The following CADM2 variants were observed in gnomAD, a reference collection of about 807,000 sequenced individuals.
CADM2 encodes the protein immunoglobulin superfamily member 4D.
Under a neutral mutation model 49.8 loss-of-function variants are expected in CADM2, and 12 were observed. The observed-to-expected ratio is 0.24, with a 90% CI of 0.15 to 0.39. The LOEUF (loss-of-function observed/expected upper bound fraction) is 0.39. Among genes scored for constraint, CADM2 ranks in the 10% least tolerant of loss-of-function variants. The pLI is 1.00. For synonymous variants in CADM2, 214 were observed against 175.4 expected, an observed-to-expected ratio of 1.22 and a Z score of -1.74; for missense variants, 378 against 492.3, an observed-to-expected ratio of 0.77 and a Z score of 2.20.
chr3:85,196,039 T>C (rs905353270), intron 1 of CADM2, among the ~76,000 whole-genome samples: 1 of 152,102 alleles, frequency 6.6e-6, no homozygotes, highest in Admixed American at 6.6e-5. Context: ...CTGACAATTA[T>C]GCACATGGAA....
intron 8 of CADM2, among the ~76,000 whole-genome samples, chr3:86,008,972 G>A (rs1028908005): frequency 6.6e-6 from 1 of 150,950 alleles, no homozygotes; most frequent in Non-Finnish European, 1.5e-5. Context: ...TTATTATAAC[G>A]ATGCAGGGTA....
In CADM2 at chr3:85,829,221, T is replaced by C. The variant is rs6804920; in HGVS notation, c.238+27025T>C. ...CTTTAATAGTAGCCATTCAAGATAA[T>C]GTCTGTGAAGGACTGGCTTTCTCTG... On this transcript the variant is annotated intron_variant, in intron 3 of 9. Coordinates refer to ENST00000383699, the MANE Select transcript of CADM2 (RefSeq NM_001167675.2). 2.6e-3 allele frequency among the ~76,000 whole-genome samples: 399 copies of C among 152,074 alleles called. 1 individual carries two copies. Among genetic ancestry groups the C allele is most frequent in the African/African-American group, 9.3e-3 (385 of 41,550 alleles).
chr3:85,161,662 A>T (rs2040328414), intron 1 of CADM2, among the ~76,000 whole-genome samples: 1 of 152,182 alleles, frequency 6.6e-6, no homozygotes, highest in South Asian at 2.1e-4. Context: ...TATGAATCAT[A>T]TGTTGACATA....
chr3:85,003,375 TA>T (rs1384113100), intron 1 of CADM2, among the ~76,000 whole-genome samples: 3 of 152,178 alleles, frequency 2.0e-5, no homozygotes, highest in Admixed American at 6.6e-5. Context: ...TGAGATTGTT[TA>T]AAAAAATCTT....
intron 2 of CADM2, among the ~76,000 whole-genome samples, chr3:85,750,359 T>C (rs2068810624): frequency 6.6e-6 from 1 of 152,090 alleles, no homozygotes; most frequent in Non-Finnish European, 1.5e-5. Context: ...ATTTGTCATT[T>C]ATTCATCTGT....
At chr3:85,940,826 AT>A (rs995642375) in intron 7 of CADM2, among the ~76,000 whole-genome samples, 1 of 151,776 alleles carries the variant, frequency 6.6e-6, no homozygotes, top group African/African-American at 2.4e-5. Flanking sequence ...CACACTGAGT[AT>A]TTTTTTTCCT....
At position 85,983,245 on chromosome 3, in the gene CADM2, C is replaced by A. The variant is rs1169727980; in HGVS notation, c.970+21598C>A. Among the ~76,000 whole-genome samples the A allele has an allele frequency of 2.0e-5, 3 of 151,522 alleles. No individual in the cohort carries two copies. The East Asian group carries it at 5.8e-4, about 29-fold the overall frequency. ...TCTTCAGCTTGTGTTTAAAATGCAT[C>A]CCTATTTGGAGGAAGAAGAACTTCA... On this transcript the variant is annotated intron_variant, in intron 8 of 9. Transcript: ENST00000383699.
At chr3:85,854,321 C>G (rs1290167877) in intron 3 of CADM2, among the ~76,000 whole-genome samples, 1 of 152,166 alleles carries the variant, frequency 6.6e-6, no homozygotes, top group Non-Finnish European at 1.5e-5. Context: ...TATAAAGACA[C>G]ATGCACTCGT....
chr3:85,376,294 C>A (rs2107337988), intron 1 of CADM2, among the ~76,000 whole-genome samples: 1 of 152,156 alleles, frequency 6.6e-6, no homozygotes, highest in East Asian at 1.9e-4. Context: ...AGTAATACTG[C>A]AAATTTTTAA....
chr3:85,457,918 G>T (rs1244005211), intron 1 of CADM2, among the ~76,000 whole-genome samples: 1 of 152,098 alleles, frequency 6.6e-6, no homozygotes, highest in East Asian at 1.9e-4. Context: ...TAATCTCCTA[G>T]TACTTTTCTA....
chr3:85,723,958 T>G (rs1287672703), intron 1 of CADM2, among the ~76,000 whole-genome samples: 1 of 152,032 alleles, frequency 6.6e-6, no homozygotes, highest in Non-Finnish European at 1.5e-5. Flanking sequence ...TGCATTGTAA[T>G]CTTTCCTTTG....
chr3:86,007,459 A>G (rs1382965694), intron 8 of CADM2, among the ~76,000 whole-genome samples: 1 of 152,114 alleles, frequency 6.6e-6, no homozygotes, highest in South Asian at 2.1e-4. Context: ...AAACATATAA[A>G]CTGAACTTTC....
chr3:85,974,554 G>A (rs1407572698), intron 8 of CADM2, among the ~76,000 whole-genome samples: 2 of 151,626 alleles, frequency 1.3e-5, no homozygotes, highest in Admixed American at 6.6e-5. Flanking sequence ...AGTCACGCAG[G>A]TTAAGCAGGA....
intron 1 of CADM2, among the ~76,000 whole-genome samples, chr3:85,456,610 C>A (rs190420835): frequency 1.7e-4 from 26 of 152,064 alleles, no homozygotes; most frequent in Middle Eastern, 3.4e-3. Flanking sequence ...TCTCTTGAAC[C>A]TTTTCTGATA....
At chr3:84,974,551 C>G (rs1437409146) in intron 1 of CADM2, among the ~76,000 whole-genome samples, 1 of 151,906 alleles carries the variant, frequency 6.6e-6, no homozygotes, top group Admixed American at 6.6e-5. Flanking sequence ...CTAGGTGGTG[C>G]TGTTCTGTCA....
rs1735600094 is a variant in CADM2 at position 86,039,627 on chromosome 3, T to A, written c.971-25978T>A. Reference sequence around the variant, plus strand: ...GAGCCCACTGCAGCTCAAGGAGGCCTGCTGGCTTCTGTAGAATCCACCTCT... The same window carrying A: ...GAGCCCACTGCAGCTCAAGGAGGCCAGCTGGCTTCTGTAGAATCCACCTCT... On this transcript the variant is annotated intron_variant, in intron 8 of 9. Coordinates refer to ENST00000383699, the MANE Select transcript of CADM2 (RefSeq NM_001167675.2). Among the ~76,000 whole-genome samples the A allele has an allele frequency of 3.3e-5, 5 of 152,198 alleles. No individual in the cohort carries two copies. The South Asian group carries it at 1.0e-3, about 31-fold the overall frequency.
intron 1 of CADM2, among the ~76,000 whole-genome samples, chr3:85,499,162 G>T (rs1318694766): frequency 6.6e-6 from 1 of 152,090 alleles, no homozygotes; most frequent in African/African-American, 2.4e-5. Context: ...CAATTACAAT[G>T]AAAAAACAAA....
chr3:85,412,299 A>G (rs890850066), intron 1 of CADM2, among the ~76,000 whole-genome samples: 25 of 152,334 alleles, frequency 1.6e-4, no homozygotes, highest in Middle Eastern at 6.8e-3. Flanking sequence ...CTGGGACAAT[A>G]TCTATAAATA....
At chr3:85,175,806 G>C (rs1363383835) in intron 1 of CADM2, among the ~76,000 whole-genome samples, 1 of 150,454 alleles carries the variant, frequency 6.6e-6, no homozygotes, top group South Asian at 2.1e-4. Flanking sequence ...AAATAATGAA[G>C]TATTACAAGA....
Sources: allele counts gnomAD v4.1 joint callset (sites outside exome capture counted in the v4.1 genomes callset), GRCh38; gene constraint gnomAD v4.1.1; transcripts MANE v1.5; gene names NCBI Gene and HGNC (gene_info 2026-07-23, HGNC 2026-07-21).